MC2R: variants seen among roughly 807,000 people sequenced by gnomAD.
MC2R encodes the protein adrenocorticotropic hormone receptor.
In MC2R, 9 loss-of-function variants were observed where a neutral mutation model predicts 9.8. The ratio of observed to expected loss-of-function variants is 0.92; its 90% CI spans 0.55 to 1.60. The LOEUF is 1.60. Among genes scored for constraint, MC2R ranks in the 40% most tolerant of loss-of-function variants. The pLI is 0.00. For synonymous variants in MC2R, 185 were observed against 154.7 expected (o/e 1.20, Z -1.45); for missense variants, 370 against 389.0 (o/e 0.95, Z 0.41).
At chr18:13,907,032 A>T (rs962748326) in intron 1 of MC2R, among the ~76,000 whole-genome samples, 6 of 152,250 alleles carry the variant, frequency 3.9e-5, no homozygotes, top group African/African-American at 1.4e-4. Context: ...TCTAAAATTT[A>T]TGTGGAATTG....
At chr18:13,904,623 G>T (rs1423730414) in intron 1 of MC2R, among the ~76,000 whole-genome samples, 2 of 151,666 alleles carry the variant, frequency 1.3e-5, no homozygotes, top group Non-Finnish European at 2.9e-5. Context: ...ATACTACAAG[G>T]CTACAGTAAC....
At position 13,895,332 on chromosome 18, in the gene MC2R, C is replaced by T. The variant is rs35124878; in HGVS notation, c.-128-9686G>A. Among the ~76,000 whole-genome samples, 1,479 of 152,260 alleles carry T rather than the reference C, an allele frequency of 9.7e-3. 13 individuals are homozygous for T. Among genetic ancestry groups the T allele is most frequent in the Non-Finnish European group, 0.015 (1,004 of 68,022 alleles). On this transcript the variant is annotated intron_variant, in intron 1 of 1. Transcript: ENST00000327606. ...GTTTCTTCTAGAGATCAAAATGTTG[C>T]CTTCCTCTTCTTTCAAAGTAGTACC...
Position 13,885,482 on chromosome 18 carries a change from TG to T in MC2R, c.36del (p.Asn12LysfsTer32). ...KHIINSYENI[N>X]NTARNNSDCP... ...CAGTCGGAATTATTTCTTGCTGTGTTGTTGATGTTTTCATACGAGTTGATAA... is the reference window on the plus strand; with the variant it reads ...CAGTCGGAATTATTTCTTGCTGTGTTTTGATGTTTTCATACGAGTTGATAA... On this transcript the variant is annotated frameshift_variant, in exon 2 of 2. Transcript: ENST00000327606. LOFTEE classifies it high-confidence loss of function. The T allele has an allele frequency of 1.2e-6, 2 of 1,614,198 alleles. No homozygotes were observed. Among genetic ancestry groups the T allele is most frequent in the Non-Finnish European group, 1.7e-6 (2 of 1,180,044 alleles).
In MC2R at chr18:13,903,519, A is replaced by G. The variant is rs566909898; in HGVS notation, c.-129+11969T>C. Reference sequence around the variant, plus strand: ...TGGAGTACTTTACAGCCATAAAAATAATGAGATCCTGTCATTTGCAACAAC... The same window carrying G: ...TGGAGTACTTTACAGCCATAAAAATGATGAGATCCTGTCATTTGCAACAAC... On this transcript the variant is annotated intron_variant, in intron 1 of 1. Coordinates refer to ENST00000327606, the MANE Select transcript of MC2R (RefSeq NM_000529.2). 2.0e-5 allele frequency among the ~76,000 whole-genome samples: 3 copies of G among 152,356 alleles called. No individual in the cohort carries two copies. In the East Asian group the frequency reaches 5.8e-4, roughly 29 times the overall value.
In MC2R at chr18:13,894,521, A is replaced by AT. The variant is rs148745171; in HGVS notation, c.-128-8876dup. 4.6e-3 allele frequency among the ~76,000 whole-genome samples: 706 copies of AT among 152,354 alleles called. 5 individuals carry two copies. The highest frequency in any genetic ancestry group is 0.016 in the African/African-American group (672 of 41,576). On this transcript the variant is annotated intron_variant, in intron 1 of 1. Coordinates refer to ENST00000327606, the MANE Select transcript of MC2R (RefSeq NM_000529.2). ...CAGGCTGTGGTCTGGATTCTATGCG[A>AT]TAACGTATGTAAATTACCAGCCCAG...
intron 1 of MC2R, among the ~76,000 whole-genome samples, chr18:13,890,986 G>A (rs959050749): frequency 1.3e-5 from 2 of 152,164 alleles, no homozygotes; most frequent in Non-Finnish European, 2.9e-5. Context: ...TGAGTAGGGC[G>A]GGTCTCAGAC....
chr18:13,895,353 G>T (rs1250610454), intron 1 of MC2R, among the ~76,000 whole-genome samples: 1 of 152,156 alleles, frequency 6.6e-6, no homozygotes, highest in African/African-American at 2.4e-5. Context: ...TTTCAAAGTA[G>T]TACCAGAAAA....
chr18:13,889,259 C>T (rs571481937), intron 1 of MC2R, among the ~76,000 whole-genome samples: 2 of 152,176 alleles, frequency 1.3e-5, no homozygotes, highest in African/African-American at 4.8e-5. Context: ...GACCAAGCTC[C>T]ATCACCTTGA....
At chr18:13,889,165 G>A (rs1011154097) in intron 1 of MC2R, among the ~76,000 whole-genome samples, 1 of 152,160 alleles carries the variant, frequency 6.6e-6, no homozygotes, top group African/African-American at 2.4e-5. Context: ...TTACAGATAT[G>A]AACCATCCCA....
chr18:13,913,428 CTGTAGTTTGCACATG>C (rs1210943516), intron 1 of MC2R, among the ~76,000 whole-genome samples: 2 of 152,236 alleles, frequency 1.3e-5, no homozygotes, highest in African/African-American at 4.8e-5. Flanking sequence ...TGATTAGTCT[CTGTAGTTTGCACATG>C]TTGTTCTCCC....
At chr18:13,904,193 T>G (rs1212702297) in intron 1 of MC2R, among the ~76,000 whole-genome samples, 1 of 148,272 alleles carries the variant, frequency 6.7e-6, no homozygotes, top group Non-Finnish European at 1.5e-5. Flanking sequence ...GCTAACATGG[T>G]GAAATCCCTT....
intron 1 of MC2R, among the ~76,000 whole-genome samples, chr18:13,902,696 T>C (rs1423911749): frequency 6.6e-6 from 1 of 152,122 alleles, no homozygotes; most frequent in Non-Finnish European, 1.5e-5. Context: ...CAAATAAAAA[T>C]GGATTAAAGA....
chr18:13,903,075 A>G (rs573799510), intron 1 of MC2R, among the ~76,000 whole-genome samples: 10 of 152,256 alleles, frequency 6.6e-5, no homozygotes, highest in African/African-American at 1.2e-4. Flanking sequence ...CACATGGCAA[A>G]CAGGCATATG....
chr18:13,904,502 C>T lies in MC2R; in HGVS notation c.-129+10986G>A, dbSNP rs147541839. Among the ~76,000 whole-genome samples, 127 of 152,098 alleles carry T rather than the reference C, an allele frequency of 8.3e-4. 1 individual carries two copies. Among genetic ancestry groups the T allele is most frequent in the Middle Eastern group, 6.8e-3 (2 of 294 alleles). On this transcript the variant is annotated intron_variant, in intron 1 of 1. Transcript: ENST00000327606. The stretch of plus-strand genomic sequence containing the variant: ...AAGATCTAGAACAAGACAACGATGC[C>T]CACTTTTACCACTTTCGTTCAATAT...
intron 1 of MC2R, among the ~76,000 whole-genome samples, chr18:13,901,375 G>A (rs1420945465): frequency 6.6e-6 from 1 of 151,458 alleles, no homozygotes; most frequent in Non-Finnish European, 1.5e-5. Context: ...AGTAGTAAGA[G>A]AAAAGAAATA....
chr18:13,898,134 G>A (rs1475848682), intron 1 of MC2R, among the ~76,000 whole-genome samples: 1 of 152,112 alleles, frequency 6.6e-6, no homozygotes, highest in Non-Finnish European at 1.5e-5. Context: ...CTGGGCCAGA[G>A]GTGAGCCCAC....
chr18:13,885,447 C>T lies in MC2R; in HGVS notation c.72G>A (p.Val24=). The stretch of plus-strand genomic sequence containing the variant: ...TGAAAAATATCTCCTCCGGCAAAAC[C>T]ACACGAGGACAGTCGGAATTATTTC... The part of the protein sequence containing the change: ...TARNNSDCPR[V]VLPEEIFFTI... Residue 24 remains valine, a synonymous_variant, in exon 2 of 2, where the codon GTG becomes GTA. Coordinates refer to ENST00000327606, the MANE Select transcript of MC2R (RefSeq NM_000529.2). 4 of 1,614,108 alleles carry T rather than the reference C, an allele frequency of 2.5e-6. No individual in the cohort carries two copies. The highest frequency in any genetic ancestry group is 2.2e-5 in the East Asian group (1 of 44,874).
At chr18:13,887,697 C>T (rs1304528692) in intron 1 of MC2R, among the ~76,000 whole-genome samples, 1 of 152,302 alleles carries the variant, frequency 6.6e-6, no homozygotes, top group African/African-American at 2.4e-5. Context: ...AGCTCCTCGA[C>T]GACCTGGGGG....
chr18:13,896,181 A>G (rs1160091136), intron 1 of MC2R, among the ~76,000 whole-genome samples: 1 of 152,202 alleles, frequency 6.6e-6, no homozygotes, highest in African/African-American at 2.4e-5. Context: ...ATCATGATTA[A>G]AAAGTATAAG....
Sources: gnomAD v4.1 joint callset for allele counts (sites outside exome capture counted in the v4.1 genomes callset) on GRCh38, gnomAD v4.1.1 for gene constraint, MANE v1.5 for transcripts, NCBI Gene and HGNC (gene_info 2026-07-23, HGNC 2026-07-21) for gene names.